PSD4: variants seen among roughly 807,000 people sequenced by gnomAD.
The protein encoded by PSD4 is pleckstrin and Sec7 domain containing 4.
Under a neutral mutation model 112.5 loss-of-function variants are expected in PSD4, and 59 were observed. That is an observed-to-expected ratio of 0.52 (90% confidence interval 0.43 to 0.65). PSD4 has a LOEUF of 0.65. Among genes scored for constraint, PSD4 ranks in the 30% least tolerant of loss-of-function variants. The pLI, the probability that PSD4 is intolerant of heterozygous loss-of-function variation, is 0.00. For missense variants in PSD4, 1,267 were observed against 1,352.6 expected (o/e 0.94, Z 0.99); for synonymous variants, 533 against 540.0 (o/e 0.99, Z 0.18).
At chr2:113,176,077 G>C (rs1687965491) in intron 1 of PSD4, among the ~76,000 whole-genome samples, 1 of 152,184 alleles carries the variant, frequency 6.6e-6, no homozygotes, top group Non-Finnish European at 1.5e-5. Flanking sequence ...GGCAAAGGAG[G>C]GTGGTCAGTG....
chr2:113,178,410 C>T (rs45610832), intron 1 of PSD4, among the ~76,000 whole-genome samples: 1,986 of 151,804 alleles, frequency 0.013, 11 homozygotes, highest in Middle Eastern at 0.041. Context: ...AAAGCTGCTG[C>T]AGCCTCTGGT....
At position 113,183,331 on chromosome 2, in the gene PSD4, C is replaced by T. The variant is rs1688204039; in HGVS notation, c.875C>T (p.Pro292Leu). 1.9e-6 allele frequency: 3 copies of T among 1,603,780 alleles called. No homozygotes were observed. Among genetic ancestry groups the T allele is most frequent in the Admixed American group, 3.4e-5 (2 of 59,054 alleles). ...ESPATLEPPL[P>L]EDTVLWELES... is the part of the protein sequence containing the mutation. ...CCAGCGACTCTGGAGCCTCCCCTCC[C>T]AGAAGACACAGTGCTGTGGGAGCTG... The change falls in exon 2 of 17, where the codon CCA (proline) becomes CTA (leucine). Residue 292 changes from proline (P) to leucine (L), a missense_variant. Physicochemically the swap from Pro to Leu is moderately conservative, Grantham distance 98. Transcript: ENST00000245796.
chr2:113,207,395 C>A lies in PSD4; in HGVS notation c.*5980C>A, dbSNP rs1265951427. The A allele has an allele frequency of 6.6e-6, 1 of 151,774 alleles. No individual in the cohort carries two copies. Among genetic ancestry groups the A allele is most frequent in the African/African-American group, 2.4e-5 (1 of 41,304 alleles). 9.4% of individuals were successfully genotyped at this position (151,774 alleles called of 1,614,324 possible). A position where few individuals can be genotyped will look rare whatever the true frequency, so the allele number is the denominator to read the frequency against. ...TTCCTCCAAGAGGCCTTCCCTAAGT[C>A]TTCCTCCTTCAGTTTCTATTACATG... On this transcript the variant is annotated 3_prime_UTR_variant, in exon 17 of 17. Coordinates refer to ENST00000245796, the MANE Select transcript of PSD4 (RefSeq NM_012455.3).
chr2:113,199,335 G>A (rs1674852063), intron 16 of PSD4, 109 bp downstream of exon 16: 1 of 1,257,006 alleles, frequency 8.0e-7, no homozygotes, highest in South Asian at 2.5e-5. Context: ...GGGGCGGGGA[G>A]AGGCGCTTGC....
intron 10 of PSD4, among the ~76,000 whole-genome samples, chr2:113,195,460 C>A (rs1459392957): frequency 1.3e-5 from 2 of 151,568 alleles, no homozygotes; most frequent in Non-Finnish European, 2.9e-5. Flanking sequence ...CTGTGCCTGG[C>A]AGGTCATCTT....
At chr2:113,179,660 CA>C (rs765831677) in intron 1 of PSD4, among the ~76,000 whole-genome samples, 36 of 152,300 alleles carry the variant, frequency 2.4e-4, no homozygotes, top group Non-Finnish European at 1.2e-4. Context: ...GAATGCAGCC[CA>C]GTAGGTCTCA....
At chr2:113,178,460 C>G (rs1558884808) in intron 1 of PSD4, among the ~76,000 whole-genome samples, 1 of 150,678 alleles carries the variant, frequency 6.6e-6, no homozygotes, top group East Asian at 1.9e-4. Flanking sequence ...GCAAGGAACG[C>G]TGGTTTTTTT....
intron 11 of PSD4, 32 bp from the exon 12 acceptor site, chr2:113,196,115 C>A: frequency 6.3e-7 from 1 of 1,593,872 alleles, no homozygotes; most frequent in South Asian, 1.1e-5. Flanking sequence ...TTTGCATAGT[C>A]AGCACTTCCA....
chr2:113,181,788 C>G (rs926324580), intron 1 of PSD4, among the ~76,000 whole-genome samples: 1 of 152,320 alleles, frequency 6.6e-6, no homozygotes, highest in Admixed American at 6.5e-5. Flanking sequence ...TGTGAGCCAG[C>G]CTGGTGAACA....
At chr2:113,176,745 A>C (rs1351172419) in intron 1 of PSD4, among the ~76,000 whole-genome samples, 4 of 152,304 alleles carry the variant, frequency 2.6e-5, no homozygotes, top group Middle Eastern at 3.4e-3. Flanking sequence ...GGGTGGAAAA[A>C]CACAAGTAAA....
At chr2:113,200,432 C>T (rs2104510705) in intron 16 of PSD4, among the ~76,000 whole-genome samples, 1 of 152,342 alleles carries the variant, frequency 6.6e-6, no homozygotes, top group East Asian at 1.9e-4. Context: ...GCATGCAGCC[C>T]TCTGCCTGTC....
rs192682800 is a variant in PSD4, at chr2:113,185,160, C to T, written c.1173+87C>T. The T allele has an allele frequency of 9.9e-5, 158 of 1,594,992 alleles. No homozygotes were observed. In the East Asian group the frequency reaches 3.3e-3, roughly 33 times the overall value. On this transcript the variant is annotated intron_variant, in intron 3 of 16. Transcript: ENST00000245796. ...ATTCATTTCCAGGGCCTAGCACCAA[C>T]AATCCTAGGATGTGGGGCTTCTCAC...
At chr2:113,182,289 G>A (rs761864776) in intron 1 of PSD4, 57 bp from the exon 2 acceptor site, 15 of 639,980 alleles carry the variant, frequency 2.3e-5, no homozygotes, top group South Asian at 1.4e-4. Context: ...CACTACACAC[G>A]TGCCTCCAGA....
Position 113,201,759 on chromosome 2 carries a change from T to A in PSD4, c.*344T>A. On this transcript the variant is annotated 3_prime_UTR_variant, in exon 17 of 17. Coordinates refer to ENST00000245796, the MANE Select transcript of PSD4 (RefSeq NM_012455.3). ...GAGTGGCCTCATTTCCTAGACTTGC[T>A]GAGAACTCAGCACTTGTTTGAGAAC... 1 of 320,346 alleles carries A rather than the reference T, an allele frequency of 3.1e-6. No homozygotes were observed. The highest frequency in any genetic ancestry group is 4.6e-5 in the Admixed American group (1 of 21,742). 19.8% of individuals were successfully genotyped at this position (320,346 alleles called of 1,614,324 possible). A position where few individuals can be genotyped will look rare whatever the true frequency, so the allele number is the denominator to read the frequency against.
rs550080018 is a variant in PSD4, at chr2:113,190,427, A to G, written c.1629-1953A>G. 5.3e-5 allele frequency among the ~76,000 whole-genome samples: 8 copies of G among 152,156 alleles called. No individual in the cohort carries two copies. In the South Asian group the frequency reaches 1.5e-3, roughly 28 times the overall value. On this transcript the variant is annotated intron_variant, in intron 5 of 16. Coordinates refer to ENST00000245796, the MANE Select transcript of PSD4 (RefSeq NM_012455.3). ...GGGCGGTATGTGAATTCTATTTCAA[A>G]ACAGCTGTTATTATTATTATTTTTT...
At position 113,197,753 on chromosome 2, in the gene PSD4, GA is replaced by G; in HGVS notation, c.2466del (p.Asp823ThrfsTer58). 1 of 1,608,470 alleles carries G rather than the reference GA, an allele frequency of 6.2e-7. No homozygotes were observed. The highest frequency in any genetic ancestry group is 8.5e-7 in the Non-Finnish European group (1 of 1,175,474). Reference protein sequence around the residue: ...GMVLYFLKQGEDHCLEGESLV... With the variant: ...GMVLYFLKQGXDHCLEGESLV... ...GAGCCCCTGTGACTGGTAGCAGGGA[GA>G]AGACCACTGTCTGGAGGGGGAGAGC... On this transcript the variant is annotated frameshift_variant, in exon 14 of 17. Coordinates refer to ENST00000245796, the MANE Select transcript of PSD4 (RefSeq NM_012455.3). LOFTEE classifies it high-confidence loss of function.
intron 4 of PSD4, 187 bp downstream of exon 4, chr2:113,185,627 C>G: frequency 6.5e-7 from 1 of 1,548,442 alleles, no homozygotes; most frequent in Non-Finnish European, 8.7e-7. Context: ...TACAAAAGGA[C>G]CAGCATTTCT....
At chr2:113,178,397 C>T (rs564441975) in intron 1 of PSD4, among the ~76,000 whole-genome samples, 7 of 151,856 alleles carry the variant, frequency 4.6e-5, no homozygotes, top group African/African-American at 1.4e-4. Flanking sequence ...TCTCTTTGCT[C>T]GGAAAGCTGC....
intron 1 of PSD4, chr2:113,175,383 A>T (rs1208526392): frequency 6.6e-6 from 1 of 151,460 alleles, no homozygotes; most frequent in South Asian, 2.1e-4. Context: ...GTGTGCGTGC[A>T]AATTTGCATG....
Sources: allele counts gnomAD v4.1 joint callset (sites outside exome capture counted in the v4.1 genomes callset), GRCh38; gene constraint gnomAD v4.1.1; transcripts MANE v1.5; gene names NCBI Gene and HGNC (gene_info 2026-07-23, HGNC 2026-07-21).